The following ST3GAL3 variants were observed in gnomAD, a reference collection of about 807,000 sequenced individuals.
The protein encoded by ST3GAL3 is ST3 beta-galactoside alpha-2,3-sialyltransferase 3.
In ST3GAL3, 21 loss-of-function variants were observed where a neutral mutation model predicts 50.1. The observed-to-expected ratio is 0.42, with a 90% CI of 0.30 to 0.60. The LOEUF (loss-of-function observed/expected upper bound fraction) is 0.60. ST3GAL3 is among the 20% of genes least tolerant of loss of function. The pLI is 0.19. For missense variants in ST3GAL3, 353 were observed against 489.4 expected, an observed-to-expected ratio of 0.72 and a Z score of 2.63; for synonymous variants, 183 against 190.0, an observed-to-expected ratio of 0.96 and a Z score of 0.30.
At chr1:43,894,683 A>G (rs2077134979) in intron 6 of ST3GAL3, among the ~76,000 whole-genome samples, 1 of 150,654 alleles carries the variant, frequency 6.6e-6, no homozygotes, top group Admixed American at 6.6e-5. Flanking sequence ...TCTGTCACCC[A>G]GGCTAAAGTG....
At chr1:43,748,962 CTACTT>C (rs1684976791) in intron 2 of ST3GAL3, among the ~76,000 whole-genome samples, 1 of 152,198 alleles carries the variant, frequency 6.6e-6, no homozygotes, top group South Asian at 2.1e-4. Context: ...AGAGCTTACA[CTACTT>C]CACTTCAAGT....
intron 5 of ST3GAL3, among the ~76,000 whole-genome samples, chr1:43,844,805 C>T (rs1278279723): frequency 2.0e-5 from 3 of 147,426 alleles, no homozygotes; most frequent in Admixed American, 6.8e-5. Flanking sequence ...CCAGCCTGGG[C>T]GACATAGCAA....
chr1:43,925,157 G>C (rs1189297095), intron 11 of ST3GAL3, among the ~76,000 whole-genome samples: 3 of 152,076 alleles, frequency 2.0e-5, no homozygotes, highest in Non-Finnish European at 4.4e-5. Flanking sequence ...AGGCGTGGTG[G>C]TGCATGCCTG....
intron 5 of ST3GAL3, chr1:43,850,512 C>G: frequency 6.1e-6 from 4 of 652,806 alleles, no homozygotes; most frequent in South Asian, 5.8e-5. Flanking sequence ...TTCCAAAAGT[C>G]CAAGAGATGT....
intron 5 of ST3GAL3, among the ~76,000 whole-genome samples, chr1:43,848,239 T>G (rs896441411): frequency 2.6e-5 from 4 of 151,902 alleles, no homozygotes; most frequent in African/African-American, 4.8e-5. Flanking sequence ...TTGAGATTTT[T>G]CTCTTTACCA....
chr1:43,840,502 G>T, intron 5 of ST3GAL3: 1 of 152,262 alleles, frequency 6.6e-6, no homozygotes. Context: ...GTCCTACTGT[G>T]GTCCTGTGAT....
chr1:43,834,070 A>C (rs1026177013), intron 4 of ST3GAL3, among the ~76,000 whole-genome samples: 33 of 152,140 alleles, frequency 2.2e-4, no homozygotes, highest in Non-Finnish European at 2.8e-4. Flanking sequence ...CTGAGGCAGG[A>C]GAATCACTTG....
chr1:43,774,177 T>C (rs1041977323), intron 2 of ST3GAL3, among the ~76,000 whole-genome samples: 1 of 152,192 alleles, frequency 6.6e-6, no homozygotes, highest in Non-Finnish European at 1.5e-5. Context: ...CATTTTAATA[T>C]AGACTATAAT....
At chr1:43,827,712 A>G (rs1444738633) in intron 4 of ST3GAL3, among the ~76,000 whole-genome samples, 1 of 151,948 alleles carries the variant, frequency 6.6e-6, no homozygotes, top group African/African-American at 2.4e-5. Flanking sequence ...AGGGTCCGCT[A>G]TGTTGCTGGG....
chr1:43,726,014 A>C (rs1214346391), intron 1 of ST3GAL3, among the ~76,000 whole-genome samples: 1 of 152,160 alleles, frequency 6.6e-6, no homozygotes, highest in Non-Finnish European at 1.5e-5. Flanking sequence ...AATTTTTTTA[A>C]GTTTATGCAG....
At chr1:43,753,828 G>A (rs1342486855) in intron 2 of ST3GAL3, among the ~76,000 whole-genome samples, 2 of 152,080 alleles carry the variant, frequency 1.3e-5, no homozygotes, top group Admixed American at 1.3e-4. Flanking sequence ...CCTGGGTTAG[G>A]AGGGCTGCAG....
intron 1 of ST3GAL3, chr1:43,719,147 G>A (rs1021476763): frequency 3.3e-5 from 5 of 152,226 alleles, no homozygotes; most frequent in African/African-American, 7.2e-5. Context: ...TTAAAAGAGA[G>A]AAATCACATG....
chr1:43,868,049 G>A (rs2071761750), intron 5 of ST3GAL3, among the ~76,000 whole-genome samples: 1 of 152,320 alleles, frequency 6.6e-6, no homozygotes, highest in Non-Finnish European at 1.5e-5. Context: ...AATCATATCT[G>A]TGTATGCATT....
intron 5 of ST3GAL3, among the ~76,000 whole-genome samples, chr1:43,866,907 G>A (rs2071455746): frequency 6.6e-6 from 1 of 152,140 alleles, no homozygotes; most frequent in South Asian, 2.1e-4. Context: ...CGTGGTGGGT[G>A]GATCATGAGG....
chr1:43,765,753 C>CTGTGTGTGTGTGTG (rs778848698), intron 2 of ST3GAL3, among the ~76,000 whole-genome samples: 2 of 115,720 alleles, frequency 1.7e-5, no homozygotes, highest in African/African-American at 3.2e-5. Flanking sequence ...CTGTGTGTGT[C>CTGTGTGTGTGTGTG]TGTGTGTGTG....
intron 9 of ST3GAL3, chr1:43,913,539 A>G (rs2081292074): frequency 6.6e-6 from 1 of 151,772 alleles, no homozygotes; most frequent in Non-Finnish European, 1.5e-5. Flanking sequence ...TGAGAAGAGG[A>G]GTTACAGCTT....
At chr1:43,867,900 A>G (rs1278489992) in intron 5 of ST3GAL3, among the ~76,000 whole-genome samples, 1 of 152,246 alleles carries the variant, frequency 6.6e-6, no homozygotes, top group African/African-American at 2.4e-5. Flanking sequence ...TGGAAAGATT[A>G]GAGGAAATCA....
At chr1:43,917,629 TA>T (rs780358730) in intron 9 of ST3GAL3, among the ~76,000 whole-genome samples, 6 of 75,416 alleles carry the variant, frequency 8.0e-5, no homozygotes, top group South Asian at 2.9e-4. Flanking sequence ...ATATTATATA[TA>T]ATATATAATA....
chr1:43,852,479 TC>T (rs1438715586), intron 5 of ST3GAL3, among the ~76,000 whole-genome samples: 1 of 152,192 alleles, frequency 6.6e-6, no homozygotes, highest in Non-Finnish European at 1.5e-5. Flanking sequence ...GTATTTCTTC[TC>T]CCATAGAGAC....
Sources: gnomAD v4.1 joint callset for allele counts (sites outside exome capture counted in the v4.1 genomes callset) on GRCh38, gnomAD v4.1.1 for gene constraint, MANE v1.5 for transcripts, NCBI Gene and HGNC (gene_info 2026-07-23, HGNC 2026-07-21) for gene names.